Variants in PI4KA observed in about 807,000 individuals in gnomAD.
The protein encoded by PI4KA is phosphatidylinositol 4-kinase alpha.
In PI4KA, 122 loss-of-function variants were observed where a neutral mutation model predicts 271.4. The ratio of observed to expected loss-of-function variants is 0.45; its 90% CI spans 0.39 to 0.52. The LOEUF is 0.52. PI4KA is among the 20% of genes least tolerant of loss of function. The pLI is 0.00. For synonymous variants in PI4KA, 1,041 were observed against 1,078.8 expected (o/e 0.96, Z 0.69); for missense variants, 1,969 against 2,769.1 (o/e 0.71, Z 6.48).
intron 29 of PI4KA, among the ~76,000 whole-genome samples, chr22:20,746,164 A>G (rs992627869): frequency 8.7e-5 from 12 of 138,556 alleles, no homozygotes; most frequent in East Asian, 4.6e-4. Flanking sequence ...CCGGGTTCAC[A>G]CCATTCTCCT....
chr22:20,793,156 A>C, intron 19 of PI4KA, 37 bp downstream of exon 19: 134 of 1,145,396 alleles, frequency 1.2e-4, no homozygotes, highest in Non-Finnish European at 1.6e-4. Flanking sequence ...TGAACACAGT[A>C]TCTGCAGTTT....
At chr22:20,710,955 A>G (rs1925196060) in intron 51 of PI4KA, 97 bp from the exon 52 acceptor site, 16 of 1,381,384 alleles carry the variant, frequency 1.2e-5, no homozygotes, top group Non-Finnish European at 1.4e-5. Flanking sequence ...CTGCAACAGG[A>G]GCACCCCCTC....
At chr22:20,761,077 C>A (rs1052266352) in intron 23 of PI4KA, among the ~76,000 whole-genome samples, 4 of 146,796 alleles carry the variant, frequency 2.7e-5, no homozygotes, top group Middle Eastern at 3.5e-3. Context: ...CACACTTGAG[C>A]ATAGATAGTG....
intron 43 of PI4KA, among the ~76,000 whole-genome samples, chr22:20,719,600 A>G (rs892575608): frequency 3.0e-4 from 45 of 152,124 alleles, no homozygotes; most frequent in African/African-American, 1.1e-3. Flanking sequence ...GACAACATAT[A>G]GCTATTCAGA....
chr22:20,779,547 T>C, intron 19 of PI4KA: 1 of 1,614,046 alleles, frequency 6.2e-7, no homozygotes, highest in Non-Finnish European at 8.5e-7. Context: ...GGACGACGAC[T>C]ATCTGGACCT....
At chr22:20,763,026 G>GGGA (rs58129675) in intron 22 of PI4KA, among the ~76,000 whole-genome samples, 1 of 68,492 alleles carries the variant, frequency 1.5e-5, no homozygotes, top group Non-Finnish European at 2.5e-5. Flanking sequence ...TTGGGGGGGG[G>GGGA]GGGGGTTAGA....
At chr22:20,813,298 CA>C in intron 8 of PI4KA, 59 bp downstream of exon 8, 1 of 1,297,212 alleles carries the variant, frequency 7.7e-7, no homozygotes, top group Non-Finnish European at 1.1e-6. Flanking sequence ...ATACAAGTTT[CA>C]CCACTAGCAA....
chr22:20,783,318 C>A (rs1265340167), intron 19 of PI4KA, among the ~76,000 whole-genome samples: 1 of 151,968 alleles, frequency 6.6e-6, no homozygotes, highest in Non-Finnish European at 1.5e-5. Context: ...AGAGCTGAGG[C>A]TGGCAGGGTG....
At chr22:20,785,748 T>A (rs1046576958) in intron 19 of PI4KA, among the ~76,000 whole-genome samples, 4 of 152,158 alleles carry the variant, frequency 2.6e-5, no homozygotes, top group African/African-American at 9.7e-5. Flanking sequence ...GCTGCTAACC[T>A]TGAAGATAGG....
At chr22:20,813,558 A>T (rs757892259) in intron 7 of PI4KA, 52 bp from the exon 8 acceptor site, 5 of 1,575,700 alleles carry the variant, frequency 3.2e-6, no homozygotes, top group Non-Finnish European at 4.3e-6. Context: ...CAACTAGGGT[A>T]CTTCCTCAAG....
At chr22:20,853,832 T>C (rs1485219953) in intron 1 of PI4KA, among the ~76,000 whole-genome samples, 3 of 152,102 alleles carry the variant, frequency 2.0e-5, no homozygotes, top group South Asian at 2.1e-4. Context: ...CCCAGCACTT[T>C]GGGAGGCGAA....
Position 20,779,968 on chromosome 22 carries a change from GGTCA to G in PI4KA, c.2328+13221_2328+13224del, listed in dbSNP as rs778324769. Reference sequence around the variant, plus strand: ...AGGAGGAATTTTGGGTACACACTGCGGTCAGTCAATGACCTTTATATCCAGAAGC... The same window carrying G: ...AGGAGGAATTTTGGGTACACACTGCGGTCAATGACCTTTATATCCAGAAGC... On this transcript the variant is annotated intron_variant, in intron 19 of 54. Transcript: ENST00000255882. 7 of 1,614,116 alleles carry G rather than the reference GGTCA, an allele frequency of 4.3e-6. No individual in the cohort carries two copies. The East Asian group carries it at 8.9e-5, about 21-fold the overall frequency.
At chr22:20,810,401 T>G (rs1022912235) in intron 9 of PI4KA, among the ~76,000 whole-genome samples, 1 of 151,240 alleles carries the variant, frequency 6.6e-6, no homozygotes, top group Non-Finnish European at 1.5e-5. Context: ...CCCAGCTACT[T>G]AGGAAGCGGA....
intron 19 of PI4KA, chr22:20,786,193 C>T (rs1256539515): frequency 1.2e-5 from 20 of 1,608,308 alleles, no homozygotes; most frequent in Non-Finnish European, 1.7e-5. Context: ...CAGGGTCTGC[C>T]TCAGCACAGC....
intron 10 of PI4KA, among the ~76,000 whole-genome samples, chr22:20,805,509 T>C (rs1437936878): frequency 2.0e-5 from 3 of 152,162 alleles, no homozygotes; most frequent in Admixed American, 1.3e-4. Flanking sequence ...CAATATGAGA[T>C]ACTTCTGTGA....
intron 23 of PI4KA, among the ~76,000 whole-genome samples, chr22:20,760,811 C>T (rs1931883703): frequency 6.6e-6 from 1 of 152,182 alleles, no homozygotes; most frequent in African/African-American, 2.4e-5. Flanking sequence ...AGCTGAGGCC[C>T]TCTGTGCACT....
rs1353184587 is a variant in PI4KA, at chr22:20,764,962, G to A, written c.2575-12C>T. 4.4e-6 allele frequency: 7 copies of A among 1,599,572 alleles called. No homozygotes were observed. In the Admixed American group the frequency reaches 8.4e-5, roughly 19 times the overall value. ...TCACTCAGCTCAGCCTGGAGGGAGAGAAACATCCGAGGGCTCATGGGGCAT... is the reference window on the plus strand; with the variant it reads ...TCACTCAGCTCAGCCTGGAGGGAGAAAAACATCCGAGGGCTCATGGGGCAT... On this transcript the variant is annotated splice_polypyrimidine_tract_variant and intron_variant, in intron 21 of 54. Coordinates refer to ENST00000255882, the MANE Select transcript of PI4KA (RefSeq NM_058004.4).
intron 32 of PI4KA, among the ~76,000 whole-genome samples, chr22:20,740,065 A>C (rs1929238735): frequency 1.5e-5 from 1 of 68,150 alleles, no homozygotes. Context: ...CCATCTCAAA[A>C]AAAAAAAAAA....
chr22:20,715,579 A>G (rs1406581691), intron 45 of PI4KA, among the ~76,000 whole-genome samples: 1 of 150,614 alleles, frequency 6.6e-6, no homozygotes, highest in South Asian at 2.1e-4. Flanking sequence ...GGTTCAAGCG[A>G]TTCTCCTGCC....
Sources: allele counts gnomAD v4.1 joint callset (sites outside exome capture counted in the v4.1 genomes callset), GRCh38; gene constraint gnomAD v4.1.1; transcripts MANE v1.5; gene names NCBI Gene and HGNC (gene_info 2026-07-23, HGNC 2026-07-21).